The following MROH7 variants were observed in gnomAD, a reference collection of about 807,000 sequenced individuals.
MROH7 encodes maestro heat-like repeat-containing protein family member 7.
MROH7 carries 113 observed loss-of-function variants against 129.2 expected under a neutral mutation model. That is an observed-to-expected ratio of 0.87 (90% CI 0.75 to 1.02). The LOEUF (loss-of-function observed/expected upper bound fraction) is 1.02, where lower values mean the gene tolerates loss of function less well. Ranked by LOEUF, MROH7 falls within the 50% of genes least tolerant of loss-of-function variation. MROH7 has a pLI of 0.00. For synonymous variants in MROH7, 655 were observed against 667.9 expected (o/e 0.98, Z 0.30); for missense variants, 1,601 against 1,671.3 (o/e 0.96, Z 0.73).
Position 54,683,179 on chromosome 1 carries a change from T to A in MROH7, c.2520+385T>A, listed in dbSNP as rs77099877. ...TAGCAAGACCTCTTCTCTATTTTTT[T>A]AAAAAAATCCTACATTACCATTTTG... On this transcript the variant is annotated intron_variant, in intron 14 of 23. Coordinates refer to ENST00000421030, the MANE Select transcript of MROH7 (RefSeq NM_001039464.4). Among the ~76,000 whole-genome samples the A allele has an allele frequency of 0.017, 2,600 of 152,190 alleles. 143 individuals carry two copies. The East Asian group carries it at 0.21, about 12-fold the overall frequency.
In MROH7 at chr1:54,702,221, G is replaced by A; in HGVS notation, c.3417G>A (p.Gln1139=). The change falls in exon 20 of 24, where the codon CAG becomes CAA. Residue 1139 remains glutamine (Q), a synonymous_variant. Coordinates refer to ENST00000421030, the MANE Select transcript of MROH7 (RefSeq NM_001039464.4). ...TGGTGCCCCTACTGCTGACCATGCA[G>A]GAGGGCAACTCCAAGGTAAGCCAGG... ...STLVPLLLTM[Q]EGNSKVSQKC... 5 of 1,570,064 alleles carry A rather than the reference G, an allele frequency of 3.2e-6. No homozygotes were observed. The highest frequency in any genetic ancestry group is 4.3e-6 in the Non-Finnish European group (5 of 1,157,698).
chr1:54,661,780 G>C (rs1644735735), intron 3 of MROH7, among the ~76,000 whole-genome samples: 1 of 152,026 alleles, frequency 6.6e-6, no homozygotes. Flanking sequence ...ATTTTTAGTA[G>C]AGACGGAGTT....
chr1:54,667,255 CTCTGT>C (rs1313970936), intron 4 of MROH7, among the ~76,000 whole-genome samples: 2 of 152,168 alleles, frequency 1.3e-5, no homozygotes, highest in Non-Finnish European at 2.9e-5. Flanking sequence ...TTAGCCATCC[CTCTGT>C]CATCACTCTT....
chr1:54,700,150 A>G (rs746199304), intron 17 of MROH7, 171 bp from the exon 18 acceptor site: 3 of 837,644 alleles, frequency 3.6e-6, no homozygotes, highest in Non-Finnish European at 4.0e-6. Flanking sequence ...GCTTTGCCAC[A>G]TGGTGCTGAT....
At chr1:54,704,981 T>C (rs976374120) in intron 21 of MROH7, among the ~76,000 whole-genome samples, 3 of 151,610 alleles carry the variant, frequency 2.0e-5, no homozygotes, top group African/African-American at 7.3e-5. Flanking sequence ...GTATTTTTAG[T>C]AGAGACGGAG....
At position 54,681,735 on chromosome 1, in the gene MROH7, A is replaced by G. The variant is rs76158597; in HGVS notation, c.2382-921A>G. ...TCCTTGCCTGGTGTACTGCCTTTTA[A>G]GGGATGGGAACAGAGGCTCCCTGAT... On this transcript the variant is annotated intron_variant, in intron 13 of 23. Coordinates refer to ENST00000421030, the MANE Select transcript of MROH7 (RefSeq NM_001039464.4). Among the ~76,000 whole-genome samples, 1,479 of 152,202 alleles carry G rather than the reference A, an allele frequency of 9.7e-3. 133 individuals carry two copies. The East Asian group carries it at 0.21, about 21-fold the overall frequency.
chr1:54,701,053 C>T, intron 18 of MROH7, 90 bp from the exon 19 acceptor site: 9 of 1,432,086 alleles, frequency 6.3e-6, no homozygotes, highest in Non-Finnish European at 8.7e-6. Context: ...GATTGGGCCA[C>T]CAAGTTCATT....
rs767964110 is a variant in MROH7, at chr1:54,695,372, C to T, written c.2850-4C>T. 4.4e-6 allele frequency: 7 copies of T among 1,599,700 alleles called. No individual in the cohort carries two copies. The highest frequency in any genetic ancestry group is 6.0e-6 in the Non-Finnish European group (7 of 1,169,446). ...AGGGGACTACTCCCCCTTCCCACCC[C>T]CAGGGCCATGGTGCAGTACTCCTGC... On this transcript the variant is annotated splice_region_variant and splice_polypyrimidine_tract_variant and intron_variant, in intron 16 of 23. Coordinates refer to ENST00000421030, the MANE Select transcript of MROH7 (RefSeq NM_001039464.4).
At chr1:54,701,101 G>C (rs1475046782) in intron 18 of MROH7, 42 bp from the exon 19 acceptor site, 1 of 1,600,232 alleles carries the variant, frequency 6.2e-7, no homozygotes, top group African/African-American at 1.3e-5. Context: ...CTACTTGCTA[G>C]CTCAGATAGG....
intron 16 of MROH7, among the ~76,000 whole-genome samples, chr1:54,693,859 C>T (rs1448737175): frequency 2.0e-5 from 3 of 152,196 alleles, no homozygotes; most frequent in Non-Finnish European, 2.9e-5. Flanking sequence ...TAATCCTCAC[C>T]GTGACTGATG....
intron 15 of MROH7, among the ~76,000 whole-genome samples, chr1:54,691,228 A>G (rs1199586559): frequency 1.4e-4 from 21 of 152,236 alleles, no homozygotes; most frequent in Non-Finnish European, 5.9e-5. Flanking sequence ...TCAAAGAATA[A>G]GCACAGAGGT....
chr1:54,693,951 T>A (rs11584408), intron 16 of MROH7, among the ~76,000 whole-genome samples: 24,264 of 152,120 alleles, frequency 0.16, 2,420 homozygotes, highest in South Asian at 0.22. Flanking sequence ...GTGTGATCTC[T>A]GCTCATTGCA....
At chr1:54,677,622 C>T (rs1645002544) in intron 10 of MROH7, among the ~76,000 whole-genome samples, 1 of 152,166 alleles carries the variant, frequency 6.6e-6, no homozygotes. Context: ...CCTTTACAAA[C>T]AGCACACACA....
intron 5 of MROH7, among the ~76,000 whole-genome samples, chr1:54,669,266 C>T (rs1569901403): frequency 6.6e-6 from 1 of 152,164 alleles, no homozygotes; most frequent in Non-Finnish European, 1.5e-5. Context: ...TTACTTAATA[C>T]ATTCTTTTCC....
At chr1:54,694,616 G>A (rs537562206) in intron 16 of MROH7, among the ~76,000 whole-genome samples, 34 of 152,160 alleles carry the variant, frequency 2.2e-4, no homozygotes, top group Non-Finnish European at 4.4e-4. Flanking sequence ...TCAGGCATGC[G>A]CCACCACACC....
chr1:54,679,083 T>TA (rs1280363394), intron 11 of MROH7, among the ~76,000 whole-genome samples, 180 bp from the exon 12 acceptor site: 1 of 152,208 alleles, frequency 6.6e-6, no homozygotes. Flanking sequence ...ATGTTGCTCT[T>TA]ACTTTTGTAG....
At chr1:54,660,846 A>G (rs1434672493) in intron 3 of MROH7, among the ~76,000 whole-genome samples, 1 of 152,126 alleles carries the variant, frequency 6.6e-6, no homozygotes, top group East Asian at 1.9e-4. Flanking sequence ...AAAAAAAGAG[A>G]AAAATAAAAA....
chr1:54,695,367 C>G lies in MROH7; in HGVS notation c.2850-9C>G. ...ACCTGAGGGGACTACTCCCCCTTCC[C>G]ACCCCCAGGGCCATGGTGCAGTACT... On this transcript the variant is annotated splice_polypyrimidine_tract_variant and intron_variant, in intron 16 of 23. Transcript: ENST00000421030. 6.3e-7 allele frequency: 1 copy of G among 1,586,222 alleles called. No individual in the cohort carries two copies. The highest frequency in any genetic ancestry group is 8.6e-7 in the Non-Finnish European group (1 of 1,158,328).
chr1:54,679,752 C>T (rs1645038893), intron 12 of MROH7, 139 bp from the exon 13 acceptor site: 3 of 847,356 alleles, frequency 3.5e-6, no homozygotes, highest in Non-Finnish European at 5.5e-6. Flanking sequence ...GCTCTGCTTG[C>T]CTCTTCCTCT....
Sources: gnomAD v4.1 joint callset for allele counts (sites outside exome capture counted in the v4.1 genomes callset) on GRCh38, gnomAD v4.1.1 for gene constraint, MANE v1.5 for transcripts, NCBI Gene and HGNC (gene_info 2026-07-23, HGNC 2026-07-21) for gene names.